CFAP251: variants seen among roughly 807,000 people sequenced by gnomAD.
CFAP251 encodes the protein cilia and flagella associated protein 251.
CFAP251 carries 93 observed loss-of-function variants against 126.7 expected under a neutral mutation model. The observed-to-expected ratio is 0.73, with a 90% CI of 0.62 to 0.87. CFAP251 has a LOEUF of 0.87. Among genes scored for constraint, CFAP251 ranks in the 40% least tolerant of loss-of-function variants. CFAP251 has a pLI of 0.00. For missense variants in CFAP251, 1,287 were observed against 1,389.2 expected (o/e 0.93, Z 1.17); for synonymous variants, 503 against 506.9 (o/e 0.99, Z 0.10).
intron 7 of CFAP251, among the ~76,000 whole-genome samples, chr12:121,945,386 C>T (rs1881281506): frequency 6.6e-6 from 1 of 151,802 alleles, no homozygotes; most frequent in Non-Finnish European, 1.5e-5. Context: ...TTCTGTTGCC[C>T]AGGCTGGAGT....
In CFAP251 at chr12:122,003,823, G is replaced by A; in HGVS notation, c.*59G>A. On this transcript the variant is annotated 3_prime_UTR_variant, in exon 22 of 22. Coordinates refer to ENST00000288912, the MANE Select transcript of CFAP251 (RefSeq NM_144668.6). ...TGGGTGTGTGTGCATGCACATGTGT[G>A]TGTTTTCCATGAGGCACTGCTTTTT... 1 of 1,334,344 alleles carries A rather than the reference G, an allele frequency of 7.5e-7. No homozygotes were observed. The highest frequency in any genetic ancestry group is 1.4e-5 in the South Asian group (1 of 70,062). 82.7% of individuals were successfully genotyped at this position (1,334,344 alleles called of 1,614,324 possible).
At position 121,962,134 on chromosome 12, in the gene CFAP251, C is replaced by T. The variant is rs773809597; in HGVS notation, c.2464C>T (p.Leu822Phe). The change falls in exon 15 of 22, where the codon CTT (leucine) becomes TTT (phenylalanine). Residue 822 changes from leucine (L) to phenylalanine (F), a missense_variant. Leu to Phe is a conservative substitution (Grantham distance 22). Coordinates refer to ENST00000288912, the MANE Select transcript of CFAP251 (RefSeq NM_144668.6). Reference protein sequence around the residue: ...LICNSGYKVKLFNATTKMCRK... With the variant: ...LICNSGYKVKFFNATTKMCRK... ...TTGCAACAGTGGCTACAAAGTGAAG[C>T]TTTTTAATGCTACTACCAAAATGTG... 3.7e-6 allele frequency: 6 copies of T among 1,613,484 alleles called. No homozygotes were observed. Among genetic ancestry groups the T allele is most frequent in the Admixed American group, 1.7e-5 (1 of 59,994 alleles).
At chr12:121,983,444 C>T (rs140913253) in intron 19 of CFAP251, among the ~76,000 whole-genome samples, 1 of 150,032 alleles carries the variant, frequency 6.7e-6, no homozygotes, top group Non-Finnish European at 1.5e-5. Context: ...TAAAGATGTA[C>T]TCATTTGTTC....
intron 4 of CFAP251, 151 bp from the exon 5 acceptor site, chr12:121,934,096 C>T: frequency 1.7e-6 from 1 of 584,096 alleles, no homozygotes. Flanking sequence ...AGTGGAGAAA[C>T]ACCCAGGAAG....
In CFAP251 at chr12:121,967,078, G is replaced by T. The variant is rs369814781; in HGVS notation, c.2607+9G>T. On this transcript the variant is annotated intron_variant, in intron 16 of 21. Transcript: ENST00000288912. Reference sequence around the variant, plus strand: ...TTATTAACAGAGACAAGGTAACAGCGCTCTCTTCTCCAGTTCTGGGAGTTG... The same window carrying T: ...TTATTAACAGAGACAAGGTAACAGCTCTCTCTTCTCCAGTTCTGGGAGTTG... 1.2e-6 allele frequency: 2 copies of T among 1,609,712 alleles called. No homozygotes were observed. The highest frequency in any genetic ancestry group is 2.7e-5 in the African/African-American group (2 of 74,846).
chr12:121,952,240 T>TACAAAAAAA (rs1881555453), intron 9 of CFAP251, among the ~76,000 whole-genome samples: 1 of 92,100 alleles, frequency 1.1e-5, no homozygotes, highest in Non-Finnish European at 1.9e-5. Context: ...TCGTTTCTAC[T>TACAAAAAAA]AAAAAAAAAA....
rs182615760 is a variant in CFAP251 at position 121,945,529 on chromosome 12, C to G, written c.1191+2554C>G. 5.1e-3 allele frequency among the ~76,000 whole-genome samples: 757 copies of G among 148,196 alleles called. 9 individuals are homozygous for G. Among genetic ancestry groups the G allele is most frequent in the African/African-American group, 0.018 (733 of 40,184 alleles). ...TGGCTAATTTTTTGTATTTTTAGTA[C>G]AGATGGGGTTTCACCATGTTAGCCA... On this transcript the variant is annotated intron_variant, in intron 7 of 21. Coordinates refer to ENST00000288912, the MANE Select transcript of CFAP251 (RefSeq NM_144668.6).
rs544254660 is a variant in CFAP251 at position 121,978,749 on chromosome 12, G to C, written c.3006+3064G>C. 2.9e-4 allele frequency among the ~76,000 whole-genome samples: 44 copies of C among 152,200 alleles called. No individual in the cohort carries two copies. In the South Asian group the frequency reaches 9.1e-3, roughly 32 times the overall value. On this transcript the variant is annotated intron_variant, in intron 19 of 21. Transcript: ENST00000288912. ...ATTCCTTGGCAACATGCTTTTAAAG[G>C]CTGCAAACTTAATTGGACCACTCTC...
At chr12:121,937,101 T>A (rs1880924844) in intron 5 of CFAP251, among the ~76,000 whole-genome samples, 1 of 152,212 alleles carries the variant, frequency 6.6e-6, no homozygotes, top group South Asian at 2.1e-4. Flanking sequence ...CTGTAACAAA[T>A]TACCTCAAAC....
At chr12:121,969,336 G>A (rs1346137809) in intron 17 of CFAP251, 1 of 985,270 alleles carries the variant, frequency 1.0e-6, no homozygotes, top group Admixed American at 6.2e-5. Flanking sequence ...CAGATCTTGG[G>A]AACTTGAGGA....
chr12:121,967,094 C>T, intron 16 of CFAP251, 25 bp downstream of exon 16: 1 of 1,592,316 alleles, frequency 6.3e-7, no homozygotes, highest in South Asian at 1.1e-5. Flanking sequence ...TTCTCCAGTT[C>T]TGGGAGTTGA....
At position 122,001,833 on chromosome 12, in the gene CFAP251, C is replaced by T. The variant is rs1413206498; in HGVS notation, c.3337+235C>T. On this transcript the variant is annotated intron_variant, in intron 21 of 21. Transcript: ENST00000288912. ...CTTCTGGGCTTATTTTCCCTTTGTT[C>T]CACTGACCTGTCATCTTGCCGGCTT... 7 of 537,488 alleles carry T rather than the reference C, an allele frequency of 1.3e-5. No homozygotes were observed. The Admixed American group carries it at 1.8e-4, about 14-fold the overall frequency. 33.3% of individuals were successfully genotyped at this position (537,488 alleles called of 1,614,324 possible). A position where few individuals can be genotyped will look rare whatever the true frequency, so the allele number is the denominator to read the frequency against.
intron 10 of CFAP251, 113 bp downstream of exon 10, chr12:121,954,447 C>A (rs548387293): frequency 4.1e-6 from 4 of 982,582 alleles, no homozygotes; most frequent in African/African-American, 3.3e-5. Context: ...CTTTGGGAGG[C>A]TGAGGTGGGA....
At chr12:121,994,164 GC>G (rs1197344090) in intron 19 of CFAP251, among the ~76,000 whole-genome samples, 8 of 82,316 alleles carry the variant, frequency 9.7e-5, no homozygotes, top group African/African-American at 3.1e-4. Context: ...GGGGGGGTCA[GC>G]CCCCCCGCCC....
chr12:121,980,935 C>T (rs1593001190), intron 19 of CFAP251, among the ~76,000 whole-genome samples: 1 of 152,284 alleles, frequency 6.6e-6, no homozygotes, highest in Non-Finnish European at 1.5e-5. Flanking sequence ...CCGGAGTCTG[C>T]TCTGTAGATG....
Position 121,942,968 on chromosome 12 carries a change from G to A in CFAP251, c.1184G>A (p.Gly395Asp). Residue 395 changes from glycine to aspartate, a missense_variant, in exon 7 of 22, where the codon GGT (glycine) becomes GAT (aspartate). Gly to Asp is a moderately conservative substitution (Grantham distance 94, BLOSUM62 -1). Coordinates refer to ENST00000288912, the MANE Select transcript of CFAP251 (RefSeq NM_144668.6). Reference sequence around the variant, plus strand: ...ACTCTCGAACTCCCCACAGAGTACGGTGTTCAGGTGAGTTCAGTTGGAGCC... The same window carrying A: ...ACTCTCGAACTCCCCACAGAGTACGATGTTCAGGTGAGTTCAGTTGGAGCC... ...ACTLELPTEY[G>D]VQNYVTFNPT... 6.2e-7 allele frequency: 1 copy of A among 1,614,188 alleles called. No individual in the cohort carries two copies. The highest frequency in any genetic ancestry group is 8.5e-7 in the Non-Finnish European group (1 of 1,180,018).
intron 17 of CFAP251, 126 bp from the exon 18 acceptor site, chr12:121,975,118 G>T: frequency 1.4e-6 from 1 of 712,500 alleles, no homozygotes; most frequent in Non-Finnish European, 2.4e-6. Flanking sequence ...TAACAAGTGT[G>T]TAGAGACCCT....
At chr12:121,969,153 G>A in intron 17 of CFAP251, 1 of 985,422 alleles carries the variant, frequency 1.0e-6, no homozygotes, top group Non-Finnish European at 1.2e-6. Context: ...TGCCAGCACA[G>A]TGTACCCCCT....
chr12:121,992,907 G>A (rs562742728), intron 19 of CFAP251, among the ~76,000 whole-genome samples: 1 of 152,154 alleles, frequency 6.6e-6, no homozygotes, highest in East Asian at 1.9e-4. Context: ...TACATGTATT[G>A]TAATTAGCAA....
Sources: gnomAD v4.1 joint callset for allele counts (sites outside exome capture counted in the v4.1 genomes callset) on GRCh38, gnomAD v4.1.1 for gene constraint, MANE v1.5 for transcripts, NCBI Gene and HGNC (gene_info 2026-07-23, HGNC 2026-07-21) for gene names.